PLXDC2: variants seen among roughly 807,000 people sequenced by gnomAD.
The protein encoded by PLXDC2 is plexin domain-containing protein 2.
In PLXDC2, 40 loss-of-function variants were observed where a neutral mutation model predicts 68.9. That is an observed-to-expected ratio of 0.58 (90% CI 0.45 to 0.76). The LOEUF is 0.76. Ranked by LOEUF, PLXDC2 falls within the 30% of genes least tolerant of loss-of-function variation. The probability of loss-of-function intolerance (pLI) is 0.00; values close to 1 mark genes in which losing one functional copy is unlikely to be tolerated. For synonymous variants in PLXDC2, 243 were observed against 234.2 expected (o/e 1.04, Z -0.34); for missense variants, 644 against 661.9 (o/e 0.97, Z 0.30).
chr10:20,075,508 C>T (rs565700404), intron 4 of PLXDC2, among the ~76,000 whole-genome samples: 15 of 152,166 alleles, frequency 9.9e-5, no homozygotes, highest in South Asian at 4.2e-4. Flanking sequence ...TTGTCTTTCA[C>T]GAATTTCATA....
At chr10:19,876,601 CAAAA>C (rs61268790) in intron 1 of PLXDC2, among the ~76,000 whole-genome samples, 26 of 63,956 alleles carry the variant, frequency 4.1e-4, no homozygotes, top group Middle Eastern at 0.013. Context: ...GATTCCATCT[CAAAA>C]AAAAAAAAAA....
At chr10:19,820,935 G>A (rs542281599) in intron 1 of PLXDC2, among the ~76,000 whole-genome samples, 7 of 152,124 alleles carry the variant, frequency 4.6e-5, no homozygotes, top group African/African-American at 1.7e-4. Flanking sequence ...AAAATTAGCC[G>A]TGTGTGGTGG....
intron 1 of PLXDC2, among the ~76,000 whole-genome samples, chr10:19,854,183 G>A (rs766053669): frequency 1.3e-5 from 2 of 152,206 alleles, no homozygotes; most frequent in African/African-American, 2.4e-5. Flanking sequence ...AGCAGGGCGA[G>A]TGGATGAGGC....
chr10:20,245,642 T>G, intron 13 of PLXDC2, 137 bp downstream of exon 13: 2 of 994,704 alleles, frequency 2.0e-6, no homozygotes, highest in Non-Finnish European at 1.5e-6. Flanking sequence ...CACACATGGA[T>G]GTTGTCCCCC....
intron 2 of PLXDC2, among the ~76,000 whole-genome samples, 195 bp from the exon 3 acceptor site, chr10:20,046,674 A>T (rs1303929177): frequency 6.6e-6 from 1 of 151,918 alleles, no homozygotes; most frequent in African/African-American, 2.4e-5. Flanking sequence ...ATTTATTAAC[A>T]TTTTTTTCTT....
At chr10:20,032,760 A>G (rs763222006) in intron 2 of PLXDC2, among the ~76,000 whole-genome samples, 1 of 151,730 alleles carries the variant, frequency 6.6e-6, no homozygotes, top group Non-Finnish European at 1.5e-5. Flanking sequence ...TCTCAGCTTC[A>G]GTTTCTTTAT....
intron 13 of PLXDC2, among the ~76,000 whole-genome samples, chr10:20,255,194 T>A (rs1465456695): frequency 9.4e-6 from 1 of 106,940 alleles, no homozygotes; most frequent in Non-Finnish European, 2.0e-5. Flanking sequence ...GGTGGATGGA[T>A]AGATAGATAG....
At chr10:20,032,867 A>G (rs1016573436) in intron 2 of PLXDC2, among the ~76,000 whole-genome samples, 1 of 151,980 alleles carries the variant, frequency 6.6e-6, no homozygotes, top group African/African-American at 2.4e-5. Context: ...TCATAGGTAC[A>G]TACATGTTAG....
Position 20,014,273 on chromosome 10 carries a change from T to G in PLXDC2, c.324+12287T>G, listed in dbSNP as rs1010703851. On this transcript the variant is annotated intron_variant, in intron 2 of 13. Coordinates refer to ENST00000377252, the MANE Select transcript of PLXDC2 (RefSeq NM_032812.9). ...CCTCTCTCCCTCTCTCTTTCTCTCC[T>G]TCCTTCCTTTTTTCCTTCCTTCCTT... Among the ~76,000 whole-genome samples the G allele has an allele frequency of 2.8e-5, 4 of 142,408 alleles. No homozygotes were observed. The South Asian group carries it at 9.8e-4, about 35-fold the overall frequency. The allele number at this position is 142,408 out of a possible 152,430, so 93.4% of individuals were successfully genotyped here.
chr10:19,865,766 T>C (rs529592582), intron 1 of PLXDC2, among the ~76,000 whole-genome samples: 6 of 152,344 alleles, frequency 3.9e-5, no homozygotes, highest in African/African-American at 1.4e-4. Context: ...AAGCATAAAG[T>C]TGGTTTTCAC....
At chr10:20,261,246 T>C (rs1037218164) in intron 13 of PLXDC2, among the ~76,000 whole-genome samples, 1 of 152,352 alleles carries the variant, frequency 6.6e-6, no homozygotes, top group African/African-American at 2.4e-5. Flanking sequence ...TTCAGTGTGA[T>C]ATTCAAAAAA....
intron 10 of PLXDC2, among the ~76,000 whole-genome samples, chr10:20,213,354 T>G (rs1196578939): frequency 6.6e-6 from 1 of 152,090 alleles, no homozygotes; most frequent in African/African-American, 2.4e-5. Flanking sequence ...ACCTGTTTTA[T>G]GTATATTTTC....
At chr10:19,996,459 AC>A (rs1410731623) in intron 1 of PLXDC2, among the ~76,000 whole-genome samples, 1 of 152,022 alleles carries the variant, frequency 6.6e-6, no homozygotes, top group Non-Finnish European at 1.5e-5. Flanking sequence ...GGTGGTGTGC[AC>A]CTGTAATTCT....
rs538946580 is a variant in PLXDC2 at position 20,085,403 on chromosome 10, C to T, written c.541+17164C>T. On this transcript the variant is annotated intron_variant, in intron 4 of 13. Transcript: ENST00000377252. ...CTTACAGGGCCTGCTCTGGAATTTC[C>T]GTGCGGGAGGTGCTGAGGGTCAGTA... Among the ~76,000 whole-genome samples the T allele has an allele frequency of 1.2e-4, 18 of 152,140 alleles. No individual in the cohort carries two copies. In the South Asian group the frequency reaches 2.9e-3, roughly 25 times the overall value.
At chr10:20,007,621 T>C (rs980704500) in intron 2 of PLXDC2, among the ~76,000 whole-genome samples, 3 of 152,178 alleles carry the variant, frequency 2.0e-5, no homozygotes, top group Non-Finnish European at 4.4e-5. Flanking sequence ...GACTCAGAGA[T>C]TGGGAGCTAG....
intron 1 of PLXDC2, among the ~76,000 whole-genome samples, chr10:19,854,811 C>G (rs947042912): frequency 1.3e-5 from 2 of 152,102 alleles, no homozygotes; most frequent in East Asian, 3.9e-4. Context: ...CATAGTCACC[C>G]CAGTCCTGAT....
In PLXDC2 at chr10:20,252,945, G is replaced by T. The variant is rs116057884; in HGVS notation, c.1473+7440G>T. Among the ~76,000 whole-genome samples the T allele has an allele frequency of 2.6e-3, 389 of 149,564 alleles. 1 individual carries two copies. Among genetic ancestry groups the T allele is most frequent in the African/African-American group, 9.2e-3 (376 of 41,078 alleles). On this transcript the variant is annotated intron_variant, in intron 13 of 13. Coordinates refer to ENST00000377252, the MANE Select transcript of PLXDC2 (RefSeq NM_032812.9). ...GGAGGGTTCAACTTGATAATAAGTG[G>T]CATCCTTATTATTATCATCATTATC...
chr10:19,837,094 G>C (rs1219815422), intron 1 of PLXDC2, among the ~76,000 whole-genome samples: 1 of 150,508 alleles, frequency 6.6e-6, no homozygotes, highest in Non-Finnish European at 1.5e-5. Flanking sequence ...TGCTTGCGAG[G>C]TGAATTGAAG....
chr10:20,023,433 G>T (rs1589591970), intron 2 of PLXDC2, among the ~76,000 whole-genome samples: 1 of 152,128 alleles, frequency 6.6e-6, no homozygotes. Context: ...AATGTTGGGA[G>T]GTGGGGCCTA....
Sources: gnomAD v4.1 joint callset for allele counts (sites outside exome capture counted in the v4.1 genomes callset) on GRCh38, gnomAD v4.1.1 for gene constraint, MANE v1.5 for transcripts, NCBI Gene and HGNC (gene_info 2026-07-23, HGNC 2026-07-21) for gene names.